Variants in PRDM2 observed in about 807,000 individuals in gnomAD.
PRDM2 encodes PR/SET domain 2.
PRDM2 carries 30 observed loss-of-function variants against 130.0 expected under a neutral mutation model. The ratio of observed to expected loss-of-function variants is 0.23; its 90% CI spans 0.17 to 0.31. The LOEUF (loss-of-function observed/expected upper bound fraction) is 0.31. Ranked by LOEUF, PRDM2 falls within the 10% of genes least tolerant of loss-of-function variation. The pLI is 1.00. For missense variants in PRDM2, 2,011 were observed against 2,108.4 expected, an observed-to-expected ratio of 0.95 and a Z score of 0.90; for synonymous variants, 871 against 782.4, an observed-to-expected ratio of 1.11 and a Z score of -1.89.
At chr1:13,805,305 T>C (rs1163369444) in intron 8 of PRDM2, among the ~76,000 whole-genome samples, 1 of 152,228 alleles carries the variant, frequency 6.6e-6, no homozygotes, top group African/African-American at 2.4e-5. Flanking sequence ...AAGTCCGTAA[T>C]GGAGCTAGGA....
At chr1:13,770,537 G>A (rs1644336904) in intron 6 of PRDM2, among the ~76,000 whole-genome samples, 1 of 151,478 alleles carries the variant, frequency 6.6e-6, no homozygotes, top group Non-Finnish European at 1.5e-5. Context: ...TTTTTTGCAA[G>A]TGACTGTATT....
chr1:13,816,491 A>C lies in PRDM2; in HGVS notation c.5101A>C (p.Arg1701=), dbSNP rs918919979. 1 of 1,614,132 alleles carries C rather than the reference A, an allele frequency of 6.2e-7. No homozygotes were observed. The highest frequency in any genetic ancestry group is 1.6e-4 in the Middle Eastern group (1 of 6,062). The change falls in exon 9 of 10, where the codon AGG becomes CGG. Residue 1701 remains arginine (R), a synonymous_variant. Transcript: ENST00000311066. ...PAAPYITRQY[R]KVKAPAAAQF... is the part of the protein sequence containing the mutation. ...GGCCCCGTACATCACCAGGCAGTAT[A>C]GGAAGGTCAAAGCTCCAGCTGCAGC...
At chr1:13,724,693 C>T (rs1642850857) in intron 2 of PRDM2, among the ~76,000 whole-genome samples, 1 of 152,024 alleles carries the variant, frequency 6.6e-6, no homozygotes, top group Non-Finnish European at 1.5e-5. Context: ...CGGGGTTTCA[C>T]CATGTTGGCC....
intron 6 of PRDM2, among the ~76,000 whole-genome samples, chr1:13,772,472 C>G (rs1036056544): frequency 3.9e-5 from 6 of 152,162 alleles, no homozygotes; most frequent in Admixed American, 6.5e-5. Context: ...TGGACTGGAC[C>G]TACAGTCAGA....
intron 8 of PRDM2, among the ~76,000 whole-genome samples, chr1:13,815,265 C>T (rs983890146): frequency 3.4e-5 from 1 of 29,228 alleles, no homozygotes; most frequent in African/African-American, 1.3e-4. Flanking sequence ...CACCACCACG[C>T]CTGGACAATT....
chr1:13,755,679 T>C lies in PRDM2; in HGVS notation c.511+6192T>C, dbSNP rs112634530. Among the ~76,000 whole-genome samples, 757 of 152,306 alleles carry C rather than the reference T, an allele frequency of 5.0e-3. 9 individuals are homozygous for C. The highest frequency in any genetic ancestry group is 0.017 in the African/African-American group (720 of 41,574). On this transcript the variant is annotated intron_variant, in intron 6 of 9. Coordinates refer to ENST00000311066, the MANE Select transcript of PRDM2 (RefSeq NM_001393986.1). The stretch of plus-strand genomic sequence containing the variant: ...TTTAAACTCGTTCAGTGTTTTTTTT[T>C]CCCTAGACAATTTCATGTTCCAGTT...
In PRDM2 at chr1:13,730,996, G is replaced by T. The variant is rs1643086504; in HGVS notation, c.10-4G>T. 1.3e-6 allele frequency: 2 copies of T among 1,575,676 alleles called. No individual in the cohort carries two copies. Among genetic ancestry groups the T allele is most frequent in the Non-Finnish European group, 1.7e-6 (2 of 1,163,102 alleles). ...CTGTGATCCTTCCATTTCTTGACTTGCAGAACACTACTGAGCCTGTGGCGG... is the reference window on the plus strand; with the variant it reads ...CTGTGATCCTTCCATTTCTTGACTTTCAGAACACTACTGAGCCTGTGGCGG... On this transcript the variant is annotated splice_region_variant and splice_polypyrimidine_tract_variant and intron_variant, in intron 2 of 9. Coordinates refer to ENST00000311066, the MANE Select transcript of PRDM2 (RefSeq NM_001393986.1).
intron 2 of PRDM2, among the ~76,000 whole-genome samples, chr1:13,718,427 A>C (rs768451886): frequency 6.6e-6 from 1 of 152,206 alleles, no homozygotes; most frequent in Non-Finnish European, 1.5e-5. Flanking sequence ...AAGAAGCAGT[A>C]GAGTCCACAG....
chr1:13,712,804 T>G, intron 1 of PRDM2, among the ~76,000 whole-genome samples: 1 of 152,196 alleles, frequency 6.6e-6, no homozygotes, highest in East Asian at 1.9e-4. Context: ...CATCCATCCG[T>G]CCGTCTGTCC....
At chr1:13,746,629 T>C (rs1643618381) in intron 5 of PRDM2, among the ~76,000 whole-genome samples, 2 of 152,080 alleles carry the variant, frequency 1.3e-5, no homozygotes. Context: ...CAATCTTGGC[T>C]CACTGCAGCC....
At chr1:13,808,757 C>A (rs1050015359) in intron 8 of PRDM2, among the ~76,000 whole-genome samples, 13 of 152,150 alleles carry the variant, frequency 8.5e-5, no homozygotes, top group African/African-American at 3.1e-4. Context: ...CAATGATGAA[C>A]AAAACTCAAC....
At chr1:13,700,996 G>C (rs1294961137) in intron 1 of PRDM2, among the ~76,000 whole-genome samples, 1 of 152,174 alleles carries the variant, frequency 6.6e-6, no homozygotes, top group East Asian at 1.9e-4. Flanking sequence ...TAACAGGTCA[G>C]TGTCATTCCC....
rs149245077 is a variant in PRDM2 at position 13,780,087 on chromosome 1, C to T, written c.2292C>T (p.Thr764=). ...CAAGTGATGGGAAAGCAGCATGGAC[C>T]GATGCCGGGCTGACTTCCAAAAAAT... The part of the protein sequence containing the change: ...GKPSDGKAAW[T]DAGLTSKKSK... The change falls in exon 8 of 10, where the codon ACC becomes ACT. Residue 764 remains threonine (T), a synonymous_variant. Coordinates refer to ENST00000311066, the MANE Select transcript of PRDM2 (RefSeq NM_001393986.1). 613 of 1,613,438 alleles carry T rather than the reference C, an allele frequency of 3.8e-4. No individual in the cohort carries two copies. Among genetic ancestry groups the T allele is most frequent in the East Asian group, 8.5e-4 (38 of 44,866 alleles).
intron 6 of PRDM2, 152 bp downstream of exon 6, chr1:13,749,639 G>C: frequency 6.2e-6 from 2 of 324,562 alleles, no homozygotes; most frequent in Non-Finnish European, 8.8e-6. Flanking sequence ...TTCCGGACTC[G>C]GCCCTGCCCC....
In PRDM2 at chr1:13,735,336, C is replaced by T. The variant is rs528780455; in HGVS notation, c.231+2454C>T. ...CTTCGATGAGTTTCTGGCAGGGAGC[C>T]GCTAGCTAGCTGGCGCTCGGGACTT... is the stretch of plus-strand genomic sequence containing the variant. On this transcript the variant is annotated intron_variant, in intron 4 of 9. Coordinates refer to ENST00000311066, the MANE Select transcript of PRDM2 (RefSeq NM_001393986.1). Among the ~76,000 whole-genome samples the T allele has an allele frequency of 2.6e-5, 4 of 152,270 alleles. No homozygotes were observed. The South Asian group carries it at 6.2e-4, about 24-fold the overall frequency.
At chr1:13,785,648 A>G (rs914650290) in intron 8 of PRDM2, among the ~76,000 whole-genome samples, 1 of 150,328 alleles carries the variant, frequency 6.7e-6, no homozygotes, top group Non-Finnish European at 1.5e-5. Flanking sequence ...CTCCTGCTGC[A>G]GCTCTTACTA....
chr1:13,775,944 C>T (rs1644465542), intron 7 of PRDM2, among the ~76,000 whole-genome samples: 1 of 152,196 alleles, frequency 6.6e-6, no homozygotes, highest in South Asian at 2.1e-4. Context: ...TCCCCACTGT[C>T]CCCAGATAAG....
rs1438093707 is a variant in PRDM2 at position 13,749,399 on chromosome 1, T to TG, written c.427dup (p.Glu143GlyfsTer5). On this transcript the variant is annotated frameshift_variant, in exon 6 of 10. Transcript: ENST00000311066. LOFTEE classifies it high-confidence loss of function. ...GCGAGGAGCTCCTGGTCTGGTACAA[T>TG]GGGGAAGACAACCCTGAGATAGCAG... 2 of 1,499,754 alleles carry TG rather than the reference T, an allele frequency of 1.3e-6. No individual in the cohort carries two copies. Among genetic ancestry groups the TG allele is most frequent in the Non-Finnish European group, 9.0e-7 (1 of 1,110,236 alleles). The allele number at this position is 1,499,754 out of a possible 1,614,324, so 92.9% of individuals were successfully genotyped here. A position where few individuals can be genotyped will look rare whatever the true frequency, so the allele number is the denominator to read the frequency against.
At chr1:13,786,735 C>T (rs894089400) in intron 8 of PRDM2, 16 of 1,408,646 alleles carry the variant, frequency 1.1e-5, no homozygotes, top group Middle Eastern at 1.9e-4. Context: ...GCATGCTGGG[C>T]GCCCGGGTGA....
Sources: allele counts gnomAD v4.1 joint callset (sites outside exome capture counted in the v4.1 genomes callset), GRCh38; gene constraint gnomAD v4.1.1; transcripts MANE v1.5; gene names NCBI Gene and HGNC (gene_info 2026-07-23, HGNC 2026-07-21).